The following BBS9 variants were observed in gnomAD, a reference collection of about 807,000 sequenced individuals.
BBS9 encodes protein PTHB1.
Under a neutral mutation model 117.7 loss-of-function variants are expected in BBS9, and 89 were observed. That is an observed-to-expected ratio of 0.76 (90% CI 0.64 to 0.90). The LOEUF (loss-of-function observed/expected upper bound fraction) is 0.90. BBS9 is among the 40% of genes least tolerant of loss of function. The pLI is 0.00. For missense variants in BBS9, 982 were observed against 1,042.2 expected, an observed-to-expected ratio of 0.94 and a Z score of 0.80; for synonymous variants, 379 against 370.9, an observed-to-expected ratio of 1.02 and a Z score of -0.25.
At position 33,604,191 on chromosome 7, in the gene BBS9, A is replaced by G. The variant is rs372549243; in HGVS notation, c.2522-674A>G. 2.3e-3 allele frequency among the ~76,000 whole-genome samples: 344 copies of G among 152,336 alleles called. 2 individuals carry two copies. Among genetic ancestry groups the G allele is most frequent in the African/African-American group, 7.8e-3 (325 of 41,582 alleles). Reference sequence around the variant, plus strand: ...GCAGATGTAGTCAGGAAATTCTCTCATGATTGTGAGTTTCCCATACAAGAT... The same window carrying G: ...GCAGATGTAGTCAGGAAATTCTCTCGTGATTGTGAGTTTCCCATACAAGAT... On this transcript the variant is annotated intron_variant, in intron 21 of 22. Coordinates refer to ENST00000242067, the MANE Select transcript of BBS9 (RefSeq NM_198428.3).
chr7:33,548,719 G>A (rs1004832035), intron 21 of BBS9, among the ~76,000 whole-genome samples: 10 of 151,432 alleles, frequency 6.6e-5, no homozygotes, highest in African/African-American at 2.4e-4. Flanking sequence ...CAACTTACAA[G>A]GGATGTGAAG....
At chr7:33,465,556 A>G (rs1347997632) in intron 19 of BBS9, among the ~76,000 whole-genome samples, 1 of 152,148 alleles carries the variant, frequency 6.6e-6, no homozygotes, top group Non-Finnish European at 1.5e-5. Flanking sequence ...TATTCTCTCA[A>G]AAGTGTCTGG....
intron 19 of BBS9, among the ~76,000 whole-genome samples, chr7:33,483,206 G>C (rs1055594487): frequency 6.6e-6 from 1 of 152,102 alleles, no homozygotes; most frequent in East Asian, 1.9e-4. Context: ...CTTGTACTCT[G>C]TAAAGAAAAT....
At chr7:33,301,448 C>A (rs1384218755) in intron 9 of BBS9, among the ~76,000 whole-genome samples, 1 of 152,084 alleles carries the variant, frequency 6.6e-6, no homozygotes, top group Non-Finnish European at 1.5e-5. Context: ...CCTCTGGTAA[C>A]CATCCTTGTG....
chr7:33,159,328 T>C (rs1794509989), intron 4 of BBS9, among the ~76,000 whole-genome samples: 3 of 152,150 alleles, frequency 2.0e-5, no homozygotes, highest in Admixed American at 2.0e-4. Context: ...TTTTGTAAGG[T>C]AGGAACAAGG....
chr7:33,525,902 A>G lies in BBS9; in HGVS notation c.2299-8052A>G, dbSNP rs1297456995. 2.0e-5 allele frequency among the ~76,000 whole-genome samples: 3 copies of G among 151,550 alleles called. No homozygotes were observed. The East Asian group carries it at 5.8e-4, about 29-fold the overall frequency. On this transcript the variant is annotated intron_variant, in intron 20 of 22. Coordinates refer to ENST00000242067, the MANE Select transcript of BBS9 (RefSeq NM_198428.3). Reference sequence around the variant, plus strand: ...CGGCTGGTACAGGTTGTTCCTTTCCATGTTTAGCGCTTCCTTCCGGAGCTC... The same window carrying G: ...CGGCTGGTACAGGTTGTTCCTTTCCGTGTTTAGCGCTTCCTTCCGGAGCTC...
intron 20 of BBS9, among the ~76,000 whole-genome samples, chr7:33,533,432 A>C (rs942751118): frequency 6.6e-6 from 1 of 152,180 alleles, no homozygotes; most frequent in Non-Finnish European, 1.5e-5. Flanking sequence ...GTTTCTGCCT[A>C]TAACCCCAAG....
intron 2 of BBS9, among the ~76,000 whole-genome samples, chr7:33,152,041 A>G (rs1440428964): frequency 6.6e-6 from 1 of 151,918 alleles, no homozygotes; most frequent in African/African-American, 2.4e-5. Flanking sequence ...CATTCCCTCC[A>G]TGTCTCTGTT....
chr7:33,509,125 C>T (rs770957570), intron 20 of BBS9, among the ~76,000 whole-genome samples: 2 of 152,164 alleles, frequency 1.3e-5, no homozygotes, highest in Non-Finnish European at 2.9e-5. Context: ...TTGATAAAAA[C>T]ATAACTTGGA....
intron 5 of BBS9, among the ~76,000 whole-genome samples, chr7:33,234,282 G>A (rs1324609438): frequency 6.6e-6 from 1 of 151,906 alleles, no homozygotes; most frequent in African/African-American, 2.4e-5. Flanking sequence ...TGGGGGTCTT[G>A]GAATGTATTC....
At chr7:33,408,777 A>C (rs1455890149) in intron 19 of BBS9, among the ~76,000 whole-genome samples, 3 of 152,200 alleles carry the variant, frequency 2.0e-5, no homozygotes, top group African/African-American at 7.2e-5. Flanking sequence ...GTTCTCTGAG[A>C]AATCTCCATA....
intron 2 of BBS9, among the ~76,000 whole-genome samples, chr7:33,150,334 A>G (rs1052118669): frequency 6.6e-6 from 1 of 152,212 alleles, no homozygotes. Flanking sequence ...TATCTTCGAT[A>G]AAGCTATCTT....
At chr7:33,616,527 G>C (rs1455802247) in intron 21 of BBS9, among the ~76,000 whole-genome samples, 2 of 143,768 alleles carry the variant, frequency 1.4e-5, no homozygotes, top group Non-Finnish European at 1.5e-5. Context: ...AGAAAGGATA[G>C]AGAATGGAAT....
chr7:33,175,177 G>A (rs11981105), intron 4 of BBS9, among the ~76,000 whole-genome samples: 2 of 152,028 alleles, frequency 1.3e-5, no homozygotes, highest in Admixed American at 6.6e-5. Flanking sequence ...GGTGGCAGGT[G>A]CCTGTAATCC....
chr7:33,616,493 G>GTATATATATATATATATA (rs66529823), intron 21 of BBS9, among the ~76,000 whole-genome samples: 1 of 136,420 alleles, frequency 7.3e-6, no homozygotes, highest in African/African-American at 2.6e-5. Flanking sequence ...GTGTGTGTGT[G>GTATATATATATATATATA]TATATATATA....
At chr7:33,555,670 C>G (rs1855182355) in intron 21 of BBS9, among the ~76,000 whole-genome samples, 1 of 152,038 alleles carries the variant, frequency 6.6e-6, no homozygotes. Flanking sequence ...GAAGGAACCC[C>G]CAGATTGCTG....
chr7:33,415,400 T>G (rs1309676227), intron 19 of BBS9, among the ~76,000 whole-genome samples: 1 of 152,056 alleles, frequency 6.6e-6, no homozygotes, highest in African/African-American at 2.4e-5. Flanking sequence ...CTTAAAAACT[T>G]GGTCTTGGAT....
intron 5 of BBS9, among the ~76,000 whole-genome samples, chr7:33,236,042 A>T (rs905071810): frequency 1.3e-5 from 2 of 152,100 alleles, no homozygotes; most frequent in African/African-American, 4.8e-5. Flanking sequence ...ATTAGAGAAT[A>T]CAAGGTCGGG....
chr7:33,148,329 C>T (rs1350664131), intron 2 of BBS9, among the ~76,000 whole-genome samples: 1 of 152,056 alleles, frequency 6.6e-6, no homozygotes, highest in African/African-American at 2.4e-5. Context: ...TGAGGATCAA[C>T]AGGGGAAGTG....
Sources: allele counts gnomAD v4.1 joint callset (sites outside exome capture counted in the v4.1 genomes callset), GRCh38; gene constraint gnomAD v4.1.1; transcripts MANE v1.5; gene names NCBI Gene and HGNC (gene_info 2026-07-23, HGNC 2026-07-21).